ZNF493: variants seen among roughly 807,000 people sequenced by gnomAD.
ZNF493 encodes the protein zinc finger protein 493.
ZNF493 carries 11 observed loss-of-function variants against 12.2 expected under a neutral mutation model. The ratio of observed to expected loss-of-function variants is 0.90; its 90% CI spans 0.57 to 1.50. The LOEUF is 1.50. Ranked by LOEUF, ZNF493 falls within the 40% of genes most tolerant of loss-of-function variation. ZNF493 has a pLI of 0.00. For missense variants in ZNF493, 950 were observed against 906.6 expected (o/e 1.05, Z -0.61); for synonymous variants, 286 against 302.6 (o/e 0.95, Z 0.57).
chr19:21,422,595 G>A (rs1414536358), intron 3 of ZNF493, among the ~76,000 whole-genome samples: 2 of 151,558 alleles, frequency 1.3e-5, no homozygotes, highest in African/African-American at 4.8e-5. Context: ...GCACTTGGCT[G>A]GGAATTTACT....
chr19:21,404,845 C>T (rs1263631674), intron 1 of ZNF493, among the ~76,000 whole-genome samples: 1 of 149,674 alleles, frequency 6.7e-6, no homozygotes, highest in African/African-American at 2.4e-5. Context: ...AAATATAGCA[C>T]TAAAAAATGT....
intron 3 of ZNF493, among the ~76,000 whole-genome samples, chr19:21,420,976 G>A (rs1021416601): frequency 2.0e-5 from 3 of 151,878 alleles, no homozygotes; most frequent in Non-Finnish European, 2.9e-5. Flanking sequence ...TTGAACTCCC[G>A]ACCTCAGGTT....
chr19:21,398,140 G>A (rs1483473263), intron 1 of ZNF493: 3 of 153,020 alleles, frequency 2.0e-5, no homozygotes, highest in Middle Eastern at 3.3e-3. Context: ...GCCTCACTCT[G>A]GCTTGCAGTA....
chr19:21,400,418 A>T (rs1176483180), intron 1 of ZNF493, among the ~76,000 whole-genome samples: 2 of 152,196 alleles, frequency 1.3e-5, no homozygotes, highest in Non-Finnish European at 2.9e-5. Context: ...CAAAAAAAAA[A>T]ATGTAAGCAC....
At chr19:21,416,717 C>T (rs900184834) in intron 3 of ZNF493, among the ~76,000 whole-genome samples, 2 of 152,158 alleles carry the variant, frequency 1.3e-5, no homozygotes, top group African/African-American at 4.8e-5. Flanking sequence ...CCCATTCCCA[C>T]TTATGGCACA....
At chr19:21,411,211 G>A (rs1022791799) in intron 3 of ZNF493, among the ~76,000 whole-genome samples, 9 of 152,076 alleles carry the variant, frequency 5.9e-5, no homozygotes, top group East Asian at 1.9e-4. Flanking sequence ...TTTCTGTATC[G>A]TGTGCTCATG....
At chr19:21,403,434 T>C (rs8107999) in intron 1 of ZNF493, among the ~76,000 whole-genome samples, 53,493 of 152,082 alleles carry the variant, frequency 0.35, 10,348 homozygotes, top group Non-Finnish European at 0.45. Context: ...AACATATTTT[T>C]ATATTCATTG....
At chr19:21,400,684 A>G (rs868501208) in intron 1 of ZNF493, among the ~76,000 whole-genome samples, 1 of 152,148 alleles carries the variant, frequency 6.6e-6, no homozygotes, top group Non-Finnish European at 1.5e-5. Flanking sequence ...CTTTCTGCTG[A>G]CAGAAGCTAC....
chr19:21,399,992 A>T (rs2029887122), intron 1 of ZNF493, among the ~76,000 whole-genome samples: 1 of 152,228 alleles, frequency 6.6e-6, no homozygotes, highest in African/African-American at 2.4e-5. Flanking sequence ...ATGAAACTTG[A>T]TACTGCCTGG....
chr19:21,411,269 T>C (rs2145284653), intron 3 of ZNF493, among the ~76,000 whole-genome samples: 1 of 152,320 alleles, frequency 6.6e-6, no homozygotes, highest in Non-Finnish European at 1.5e-5. Flanking sequence ...GCTTCATTTC[T>C]GGGCTCTCTG....
Position 21,403,870 on chromosome 19 carries a change from C to A in ZNF493, c.31-1259C>A, listed in dbSNP as rs979419410. On this transcript the variant is annotated intron_variant, in intron 1 of 3. Transcript: ENST00000392288. ...TATCCCAGAACCTTCTCTACACTCT[C>A]TAAATCATGGCTTCTTATACGCCAT... Among the ~76,000 whole-genome samples the A allele has an allele frequency of 3.3e-5, 5 of 151,980 alleles. 1 individual carries two copies. The highest frequency in any genetic ancestry group is 1.2e-4 in the African/African-American group (5 of 41,330).
rs147665216 is a variant in ZNF493 at position 21,412,513 on chromosome 19, G to T, written c.253+6657G>T. The T allele has an allele frequency of 2.6e-3, 225 of 85,520 alleles. 3 individuals are homozygous for T. The East Asian group carries it at 0.032, about 12-fold the overall frequency. 5.3% of individuals were successfully genotyped at this position (85,520 alleles called of 1,614,324 possible). A position where few individuals can be genotyped will look rare whatever the true frequency, so the allele number is the denominator to read the frequency against. On this transcript the variant is annotated intron_variant, in intron 3 of 3. Transcript: ENST00000392288. ...CCAGTTTATGGCCAGATTTTGGGGG[G>T]CCTGTTCCCAACATGTCTCTTCTTT...
At chr19:21,406,726 C>T (rs149174946) in intron 3 of ZNF493, among the ~76,000 whole-genome samples, 1 of 151,198 alleles carries the variant, frequency 6.6e-6, no homozygotes, top group African/African-American at 2.4e-5. Context: ...GTATGATGTC[C>T]CTCTGCTTTG....
At position 21,425,896 on chromosome 19, in the gene ZNF493, T is replaced by C. The variant is rs1032182664; in HGVS notation, c.*912T>C. The C allele has an allele frequency of 1.3e-5, 8 of 622,580 alleles. No individual in the cohort carries two copies. In the African/African-American group the frequency reaches 1.3e-4, roughly 10 times the overall value. The allele number at this position is 622,580 out of a possible 1,614,324, so 38.6% of individuals were successfully genotyped here. A position where few individuals can be genotyped will look rare whatever the true frequency, so the allele number is the denominator to read the frequency against. Reference sequence around the variant, plus strand: ...CAAAGCTTTTAACCAGTCCTCAAACTTTATTGAACAAAATAATTCATACAG... The same window carrying C: ...CAAAGCTTTTAACCAGTCCTCAAACCTTATTGAACAAAATAATTCATACAG... On this transcript the variant is annotated 3_prime_UTR_variant, in exon 4 of 4. Coordinates refer to ENST00000392288, the MANE Select transcript of ZNF493 (RefSeq NM_001076678.3).
intron 3 of ZNF493, among the ~76,000 whole-genome samples, chr19:21,407,030 T>G (rs1031658778): frequency 3.9e-5 from 6 of 152,018 alleles, no homozygotes; most frequent in African/African-American, 1.4e-4. Flanking sequence ...CTTAGAAATT[T>G]ATTATTTTAA....
chr19:21,403,818 G>A (rs192364242), intron 1 of ZNF493, among the ~76,000 whole-genome samples: 193 of 152,230 alleles, frequency 1.3e-3, no homozygotes, highest in African/African-American at 4.4e-3. Context: ...TGATAGTCAA[G>A]GGTCTCTGCA....
rs1214287670 is a variant in ZNF493, at chr19:21,397,283, C to T, written c.30+16C>T. On this transcript the variant is annotated intron_variant, in intron 1 of 3. Coordinates refer to ENST00000392288, the MANE Select transcript of ZNF493 (RefSeq NM_001076678.3). Reference sequence around the variant, plus strand: ...CCTAGACATGGTGAGAGTGCTGGGTCCGACATCACGAGAGAGGGGAAGGAG... The same window carrying T: ...CCTAGACATGGTGAGAGTGCTGGGTTCGACATCACGAGAGAGGGGAAGGAG... The T allele has an allele frequency of 1.9e-6, 3 of 1,614,164 alleles. No individual in the cohort carries two copies. Among genetic ancestry groups the T allele is most frequent in the South Asian group, 1.1e-5 (1 of 91,082 alleles).
At chr19:21,422,273 TA>T (rs2030700695) in intron 3 of ZNF493, among the ~76,000 whole-genome samples, 1 of 152,008 alleles carries the variant, frequency 6.6e-6, no homozygotes. Context: ...CATTCCAAAG[TA>T]TACCACCATT....
Position 21,425,027 on chromosome 19 carries a change from A to C in ZNF493, c.*43A>C. 1.3e-6 allele frequency: 2 copies of C among 1,569,238 alleles called. No individual in the cohort carries two copies. The highest frequency in any genetic ancestry group is 1.7e-6 in the Non-Finnish European group (2 of 1,161,744). On this transcript the variant is annotated 3_prime_UTR_variant, in exon 4 of 4. Transcript: ENST00000392288. ...TTTACTGCTCCTATTCCCTTACTAA[A>C]GAATGTGGCAAAGCTTTTCACCAGT...
Sources: gnomAD v4.1 joint callset for allele counts (sites outside exome capture counted in the v4.1 genomes callset) on GRCh38, gnomAD v4.1.1 for gene constraint, MANE v1.5 for transcripts, NCBI Gene and HGNC (gene_info 2026-07-23, HGNC 2026-07-21) for gene names.